Variants in RYR2 observed in about 807,000 individuals in gnomAD.
RYR2 encodes the protein ryanodine receptor 2.
A neutral mutation model predicts 601.1 loss-of-function variants in RYR2; 227 were observed. That is an observed-to-expected ratio of 0.38 (90% confidence interval 0.34 to 0.42). The LOEUF (loss-of-function observed/expected upper bound fraction) is 0.42. Among genes scored for constraint, RYR2 ranks in the 10% least tolerant of loss-of-function variants. The probability of loss-of-function intolerance (pLI) is 1.00; values close to 1 mark genes in which losing one functional copy is unlikely to be tolerated. For synonymous variants in RYR2, 2,223 were observed against 2,175.1 expected, an observed-to-expected ratio of 1.02 and a Z score of -0.61; for missense variants, 4,646 against 6,156.5, an observed-to-expected ratio of 0.75 and a Z score of 8.21.
intron 1 of RYR2, among the ~76,000 whole-genome samples, chr1:237,116,904 A>G (rs529473088): frequency 1.2e-4 from 19 of 152,296 alleles, no homozygotes; most frequent in African/African-American, 4.3e-4. Context: ...TGAGTTCACC[A>G]ATTCACATGC....
intron 10 of RYR2, among the ~76,000 whole-genome samples, chr1:237,402,622 T>C (rs1024062573): frequency 1.3e-5 from 2 of 152,130 alleles, no homozygotes; most frequent in African/African-American, 4.8e-5. Context: ...ACTAAAACAC[T>C]GACAGTCAAA....
chr1:237,578,187 G>A (rs1268679426), intron 29 of RYR2, among the ~76,000 whole-genome samples: 1 of 152,104 alleles, frequency 6.6e-6, no homozygotes, highest in Non-Finnish European at 1.5e-5. Flanking sequence ...AGAAATTGAT[G>A]ATAAAGGTAT....
In RYR2 at chr1:237,625,788, T is replaced by G. The variant is rs371310419; in HGVS notation, c.6150T>G (p.Ser2050Arg). The change falls in exon 40 of 105, where the codon AGT becomes AGG. Residue 2050 changes from serine to arginine, a missense_variant. Ser to Arg is a moderately radical substitution (Grantham distance 110, BLOSUM62 -1). Transcript: ENST00000366574. ...AGCAAGCAGAAAAACCAGTTGAGAGTGACTCCAAAAAGTCCTGTAAGCAGT... is the reference window on the plus strand; with the variant it reads ...AGCAAGCAGAAAAACCAGTTGAGAGGGACTCCAAAAAGTCCTGTAAGCAGT... ...KKKQAEKPVE[S>R]DSKKSSTLQQ... 2.5e-6 allele frequency: 4 copies of G among 1,613,448 alleles called. No homozygotes were observed. In the African/African-American group the frequency reaches 5.3e-5, roughly 22 times the overall value.
At chr1:237,474,268 T>TACACAC (rs767279068) in intron 17 of RYR2, among the ~76,000 whole-genome samples, 48 of 77,484 alleles carry the variant, frequency 6.2e-4, no homozygotes, top group Non-Finnish European at 1.4e-3. Flanking sequence ...TATAGATACC[T>TACACAC]ACACACACAC....
intron 25 of RYR2, among the ~76,000 whole-genome samples, chr1:237,534,067 T>A (rs1668380478): frequency 6.6e-6 from 1 of 152,122 alleles, no homozygotes; most frequent in South Asian, 2.1e-4. Context: ...AGATAATTTA[T>A]GATATACAGC....
intron 10 of RYR2, among the ~76,000 whole-genome samples, chr1:237,396,055 A>G (rs1472505216): frequency 6.6e-6 from 1 of 152,184 alleles, no homozygotes. Context: ...AGAAACGGAG[A>G]AAAAATAACT....
At chr1:237,322,428 A>G (rs1695709695) in intron 2 of RYR2, among the ~76,000 whole-genome samples, 1 of 152,200 alleles carries the variant, frequency 6.6e-6, no homozygotes, top group Non-Finnish European at 1.5e-5. Flanking sequence ...CAAGGAGGGC[A>G]TGAGACAAGG....
At chr1:237,527,329 C>T (rs1490175825) in intron 24 of RYR2, among the ~76,000 whole-genome samples, 1 of 152,102 alleles carries the variant, frequency 6.6e-6, no homozygotes, top group Non-Finnish European at 1.5e-5. Flanking sequence ...AAATGTTAAT[C>T]TCACCCAAAA....
chr1:237,437,341 C>T (rs774297914), intron 12 of RYR2, among the ~76,000 whole-genome samples: 2 of 152,108 alleles, frequency 1.3e-5, no homozygotes, highest in Non-Finnish European at 2.9e-5. Context: ...CGTGAGCCAC[C>T]GCGCCCAGCC....
chr1:237,439,108 G>C (rs980698566), intron 12 of RYR2, among the ~76,000 whole-genome samples: 7 of 152,104 alleles, frequency 4.6e-5, no homozygotes, highest in African/African-American at 1.7e-4. Context: ...CTACTATTCT[G>C]TTGGATGCTT....
At chr1:237,303,731 A>T (rs887798051) in intron 2 of RYR2, among the ~76,000 whole-genome samples, 7 of 152,326 alleles carry the variant, frequency 4.6e-5, no homozygotes, top group Middle Eastern at 6.8e-3. Context: ...AAATTGTGAC[A>T]GTCTTTGCAA....
At chr1:237,127,038 C>T (rs1057066649) in intron 1 of RYR2, among the ~76,000 whole-genome samples, 4 of 151,416 alleles carry the variant, frequency 2.6e-5, no homozygotes, top group Admixed American at 2.0e-4. Flanking sequence ...CATCTTGCAC[C>T]GCCCTTAATC....
At chr1:237,729,148 C>T (rs1690465556) in intron 76 of RYR2, among the ~76,000 whole-genome samples, 1 of 152,042 alleles carries the variant, frequency 6.6e-6, no homozygotes, top group African/African-American at 2.4e-5. Flanking sequence ...GAGTTAGTTT[C>T]TGTGATGTCA....
intron 2 of RYR2, among the ~76,000 whole-genome samples, chr1:237,287,714 C>T (rs369008848): frequency 1.3e-5 from 2 of 152,126 alleles, no homozygotes; most frequent in East Asian, 3.9e-4. Flanking sequence ...CCCTTCACTT[C>T]TTGTATCATT....
At chr1:237,303,988 G>A (rs1348305449) in intron 2 of RYR2, among the ~76,000 whole-genome samples, 1 of 152,106 alleles carries the variant, frequency 6.6e-6, no homozygotes, top group African/African-American at 2.4e-5. Flanking sequence ...AGAGATTTGT[G>A]TCTCAGGGAA....
intron 29 of RYR2, among the ~76,000 whole-genome samples, chr1:237,574,400 T>C (rs1208077269): frequency 6.6e-6 from 1 of 152,178 alleles, no homozygotes; most frequent in Non-Finnish European, 1.5e-5. Flanking sequence ...TAGGAATCTT[T>C]CTCTGTGGTG....
Position 237,798,027 on chromosome 1 carries a change from A to C in RYR2, c.13957-10A>C. ...TGAAGCCAACAAAATGCTTTTTCTC[A>C]TACCCCAAGGTTATGGATAAATATG... On this transcript the variant is annotated splice_polypyrimidine_tract_variant and intron_variant, in intron 96 of 104. Coordinates refer to ENST00000366574, the MANE Select transcript of RYR2 (RefSeq NM_001035.3). The C allele has an allele frequency of 1.2e-6, 2 of 1,603,500 alleles. No individual in the cohort carries two copies. The highest frequency in any genetic ancestry group is 1.7e-6 in the Non-Finnish European group (2 of 1,175,862).
chr1:237,220,300 C>G (rs1389475091), intron 1 of RYR2, among the ~76,000 whole-genome samples: 2 of 152,220 alleles, frequency 1.3e-5, no homozygotes, highest in Non-Finnish European at 2.9e-5. Flanking sequence ...CACTTTTTCT[C>G]CTCCGGCCTT....
At chr1:237,381,767 A>C (rs145677208) in intron 8 of RYR2, among the ~76,000 whole-genome samples, 147 of 152,248 alleles carry the variant, frequency 9.7e-4, no homozygotes, top group African/African-American at 3.4e-3. Context: ...ATTGGGGCTC[A>C]ATTCTGAGGT....
Sources: gnomAD v4.1 joint callset for allele counts (sites outside exome capture counted in the v4.1 genomes callset) on GRCh38, gnomAD v4.1.1 for gene constraint, MANE v1.5 for transcripts, NCBI Gene and HGNC (gene_info 2026-07-23, HGNC 2026-07-21) for gene names.